The following CLHC1 variants were observed in gnomAD, a reference collection of about 807,000 sequenced individuals.
CLHC1 encodes clathrin heavy chain linker domain containing 1, also known as clathrin heavy chain linker domain-containing protein 1.
In CLHC1, 72 loss-of-function variants were observed where a neutral mutation model predicts 69.5. That is an observed-to-expected ratio of 1.04 (90% CI 0.86 to 1.26). The LOEUF (loss-of-function observed/expected upper bound fraction) is 1.26, where lower values mean the gene tolerates loss of function less well. CLHC1 is among the 50% of genes most tolerant of loss of function. CLHC1 has a pLI of 0.00. For synonymous variants in CLHC1, 223 were observed against 224.3 expected (o/e 0.99, Z 0.05); for missense variants, 790 against 679.3 (o/e 1.16, Z -1.81).
chr2:55,226,677 G>A lies in CLHC1; in HGVS notation c.-83+1355C>T, dbSNP rs545548958. ...GAGACAGTCTTGCTCTGTCGCCCAG[G>A]CTGGAGTGCAGTGGCACGATCTCAG... On this transcript the variant is annotated intron_variant, in intron 2 of 12. Transcript: ENST00000401408. Among the ~76,000 whole-genome samples the A allele has an allele frequency of 4.9e-4, 75 of 152,302 alleles. 1 individual carries two copies. Among genetic ancestry groups the A allele is most frequent in the Middle Eastern group, 3.4e-3 (1 of 294 alleles).
intron 9 of CLHC1, among the ~76,000 whole-genome samples, 166 bp downstream of exon 9, chr2:55,206,104 A>G (rs965091554): frequency 6.6e-6 from 1 of 152,212 alleles, no homozygotes; most frequent in African/African-American, 2.4e-5. Flanking sequence ...TGTAATTTAG[A>G]AAATCTAATC....
In CLHC1 at chr2:55,212,710, A is replaced by G; in HGVS notation, c.462T>C (p.Tyr154=). The G allele has an allele frequency of 6.3e-7, 1 of 1,598,834 alleles. No homozygotes were observed. The highest frequency in any genetic ancestry group is 1.1e-5 in the South Asian group (1 of 90,736). ...TTGAAGGATCTTTGGAGAAAGTACA[A>G]TATTTTACTTCTTTTGTGTCATACT... The part of the protein sequence containing the change: ...RAEYDTKEVK[Y]CTFSKDPSKP... Residue 154 remains tyrosine (Y), a synonymous_variant, in exon 5 of 13, where the codon TAT becomes TAC. Transcript: ENST00000401408.
At chr2:55,220,268 A>G (rs1673983857) in intron 3 of CLHC1, among the ~76,000 whole-genome samples, 3 of 152,198 alleles carry the variant, frequency 2.0e-5, no homozygotes, top group South Asian at 2.1e-4. Context: ...TGACACTTTT[A>G]TCTTCTGCCC....
chr2:55,224,331 C>G, intron 2 of CLHC1: 1 of 462,920 alleles, frequency 2.2e-6, no homozygotes, highest in South Asian at 1.6e-5. Flanking sequence ...AGTGTGAACT[C>G]CACGCCTTGA....
chr2:55,218,044 A>C (rs1344505012), intron 3 of CLHC1, 46 bp from the exon 4 acceptor site: 2 of 1,027,334 alleles, frequency 1.9e-6, no homozygotes, highest in African/African-American at 3.3e-5. Flanking sequence ...TTTTTCTAGG[A>C]GGCTATGGAT....
At chr2:55,219,783 G>A (rs1012589165) in intron 3 of CLHC1, among the ~76,000 whole-genome samples, 5 of 152,096 alleles carry the variant, frequency 3.3e-5, no homozygotes, top group African/African-American at 7.2e-5. Context: ...GGAAGAAGAG[G>A]AATGGTTTCC....
Position 55,175,823 on chromosome 2 carries a change from G to A in CLHC1, c.1728C>T (p.Asp576=), listed in dbSNP as rs140867290. The A allele has an allele frequency of 5.3e-4, 851 of 1,613,964 alleles. No individual in the cohort carries two copies. The highest frequency in any genetic ancestry group is 2.6e-3 in the Middle Eastern group (16 of 6,058). The change falls in exon 13 of 13, where the codon GAC becomes GAT. Residue 576 remains aspartate (D), a synonymous_variant. Coordinates refer to ENST00000401408, the MANE Select transcript of CLHC1 (RefSeq NM_152385.4). ...AAVTEISEED[D]AVNLMEHVFW ...ACACATGTTCCATTAGGTTGACTGCGTCATCCTCTTCAGAAATTTCTGTAA... is the reference window on the plus strand; with the variant it reads ...ACACATGTTCCATTAGGTTGACTGCATCATCCTCTTCAGAAATTTCTGTAA...
chr2:55,175,533 C>A lies in CLHC1; in HGVS notation c.*257G>T. The A allele has an allele frequency of 2.3e-6, 1 of 435,382 alleles. No individual in the cohort carries two copies. The highest frequency in any genetic ancestry group is 4.1e-6 in the Non-Finnish European group (1 of 243,198). 27.0% of individuals were successfully genotyped at this position (435,382 alleles called of 1,614,324 possible). On this transcript the variant is annotated 3_prime_UTR_variant, in exon 13 of 13. Coordinates refer to ENST00000401408, the MANE Select transcript of CLHC1 (RefSeq NM_152385.4). Reference sequence around the variant, plus strand: ...AGCTTATGTCCTTAGATAAAAATGCCCTACACTGTTTCACACAAAGTTATA... The same window carrying A: ...AGCTTATGTCCTTAGATAAAAATGCACTACACTGTTTCACACAAAGTTATA...
intron 11 of CLHC1, among the ~76,000 whole-genome samples, chr2:55,178,085 AT>A (rs1262938258): frequency 6.6e-6 from 1 of 152,214 alleles, no homozygotes; most frequent in Non-Finnish European, 1.5e-5. Flanking sequence ...GGAAACCTGA[AT>A]TCTAATCATA....
chr2:55,182,464 G>C (rs1308682550), intron 9 of CLHC1, among the ~76,000 whole-genome samples: 1 of 152,076 alleles, frequency 6.6e-6, no homozygotes. Context: ...TTGCAGGGGA[G>C]GAAGACTGTC....
At chr2:55,212,544 A>G in intron 5 of CLHC1, 129 bp downstream of exon 5, 1 of 729,150 alleles carries the variant, frequency 1.4e-6, no homozygotes, top group Non-Finnish European at 2.3e-6. Flanking sequence ...TCCTGACTAA[A>G]ATTATGTGTA....
intron 7 of CLHC1, 77 bp downstream of exon 7, chr2:55,209,327 G>C: frequency 1.2e-6 from 1 of 859,374 alleles, no homozygotes. Context: ...CTCAGCCTAA[G>C]AAAACCCCAT....
intron 9 of CLHC1, among the ~76,000 whole-genome samples, chr2:55,182,317 A>T (rs1318246565): frequency 1.3e-5 from 2 of 152,214 alleles, no homozygotes; most frequent in Non-Finnish European, 2.9e-5. Flanking sequence ...TTTGAAAATA[A>T]TTCAATGAGG....
At chr2:55,204,629 A>ATG (rs1672263328) in intron 9 of CLHC1, among the ~76,000 whole-genome samples, 1 of 152,198 alleles carries the variant, frequency 6.6e-6, no homozygotes, top group African/African-American at 2.4e-5. Flanking sequence ...TATGATCAAC[A>ATG]ATCCTATGAT....
chr2:55,215,449 T>A (rs1673405874), intron 4 of CLHC1, among the ~76,000 whole-genome samples: 1 of 152,204 alleles, frequency 6.6e-6, no homozygotes, highest in Non-Finnish European at 1.5e-5. Flanking sequence ...AGAATCATCC[T>A]TGTATATATA....
intron 9 of CLHC1, among the ~76,000 whole-genome samples, chr2:55,190,085 C>G (rs534106652): frequency 6.6e-6 from 1 of 152,048 alleles, no homozygotes; most frequent in Non-Finnish European, 1.5e-5. Flanking sequence ...CACTCTGTGG[C>G]CCAGGCTGGA....
intron 2 of CLHC1, chr2:55,224,651 C>CG (rs1674517069): frequency 4.3e-6 from 1 of 231,486 alleles, no homozygotes; most frequent in Non-Finnish European, 8.9e-6. Flanking sequence ...GTGTCTGAGG[C>CG]GCATGGAGGA....
At position 55,224,740 on chromosome 2, in the gene CLHC1, C is replaced by T. The variant is rs190916982; in HGVS notation, c.-82-2247G>A. On this transcript the variant is annotated intron_variant, in intron 2 of 12. Transcript: ENST00000401408. ...TTCTACTTCAAGAGATTCTGCCTCC[C>T]TTGTGTCCATGAGAACATCAGTGCT... is the stretch of plus-strand genomic sequence containing the variant. 10 of 318,166 alleles carry T rather than the reference C, an allele frequency of 3.1e-5. No homozygotes were observed. In the East Asian group the frequency reaches 7.5e-4, roughly 24 times the overall value. 19.7% of individuals were successfully genotyped at this position (318,166 alleles called of 1,614,324 possible).
intron 11 of CLHC1, among the ~76,000 whole-genome samples, chr2:55,178,488 A>C (rs1669616214): frequency 6.6e-6 from 1 of 152,182 alleles, no homozygotes; most frequent in Non-Finnish European, 1.5e-5. Context: ...TTGTATTCTT[A>C]AATTTTTTCA....
Sources: allele counts gnomAD v4.1 joint callset (sites outside exome capture counted in the v4.1 genomes callset), GRCh38; gene constraint gnomAD v4.1.1; transcripts MANE v1.5; gene names NCBI Gene and HGNC (gene_info 2026-07-23, HGNC 2026-07-21).